Variants in ADSS1 observed in about 807,000 individuals in gnomAD.
The protein encoded by ADSS1 is adenylosuccinate synthase 1.
A neutral mutation model predicts 59.1 loss-of-function variants in ADSS1; 57 were observed. The observed-to-expected ratio is 0.97, with a 90% CI of 0.78 to 1.20. The LOEUF (loss-of-function observed/expected upper bound fraction) is 1.20, where lower values mean the gene tolerates loss of function less well. Among genes scored for constraint, ADSS1 ranks in the 50% most tolerant of loss-of-function variants. The pLI is 0.00. For missense variants in ADSS1, 603 were observed against 610.3 expected (o/e 0.99, Z 0.13); for synonymous variants, 247 against 249.4 (o/e 0.99, Z 0.09).
chr14:104,732,140 C>A (rs1488283306), intron 1 of ADSS1, among the ~76,000 whole-genome samples: 1 of 152,206 alleles, frequency 6.6e-6, no homozygotes, highest in Non-Finnish European at 1.5e-5. Context: ...CCTCATCGGC[C>A]AGCCTCATGG....
chr14:104,732,714 C>T (rs776404335), intron 1 of ADSS1, among the ~76,000 whole-genome samples: 5 of 152,154 alleles, frequency 3.3e-5, no homozygotes, highest in African/African-American at 4.8e-5. Flanking sequence ...TCGACGCCTG[C>T]CCCCCCGCCC....
chr14:104,735,142 CTGTG>C lies in ADSS1; in HGVS notation c.295+25_295+28del, dbSNP rs1204069847. ...TCATTGGTGAGTGCCCTGCCCCGAC[CTGTG>C]TGTGAGCAGGAAAGGGGGTGTCAGC... On this transcript the variant is annotated intron_variant, in intron 2 of 12. Transcript: ENST00000330877. The C allele has an allele frequency of 6.9e-6, 11 of 1,585,008 alleles. No homozygotes were observed. The highest frequency in any genetic ancestry group is 3.3e-4 in the Middle Eastern group (2 of 6,034).
rs115235924 is a variant in ADSS1, at chr14:104,725,660, G to A, written c.192+1198G>A. Among the ~76,000 whole-genome samples, 592 of 152,304 alleles carry A rather than the reference G, an allele frequency of 3.9e-3. 3 individuals are homozygous for A. The highest frequency in any genetic ancestry group is 0.014 in the African/African-American group (574 of 41,564). Reference sequence around the variant, plus strand: ...CTCCAGAGATCCCCCAGGTCCTAGAGGTGGTCCTCAGCCCATGCTCCCTCC... The same window carrying A: ...CTCCAGAGATCCCCCAGGTCCTAGAAGTGGTCCTCAGCCCATGCTCCCTCC... On this transcript the variant is annotated intron_variant, in intron 1 of 12. Coordinates refer to ENST00000330877, the MANE Select transcript of ADSS1 (RefSeq NM_152328.5).
chr14:104,741,081 C>G, intron 7 of ADSS1, 36 bp from the exon 8 acceptor site: 3 of 1,586,558 alleles, frequency 1.9e-6, no homozygotes, highest in Non-Finnish European at 2.6e-6. Context: ...TGCCCCAGGC[C>G]ACAGGCTCAC....
intron 1 of ADSS1, among the ~76,000 whole-genome samples, chr14:104,733,053 G>A (rs1890988404): frequency 6.6e-6 from 1 of 152,108 alleles, no homozygotes; most frequent in Non-Finnish European, 1.5e-5. Flanking sequence ...CTGCCCATCC[G>A]CCCAGGCTGC....
intron 9 of ADSS1, 85 bp from the exon 10 acceptor site, chr14:104,742,982 G>A: frequency 1.3e-6 from 2 of 1,584,742 alleles, no homozygotes; most frequent in South Asian, 1.1e-5. Flanking sequence ...TGAGAGCTGT[G>A]TGCAGGGAGG....
Position 104,743,151 on chromosome 14 carries a change from A to G in ADSS1, c.1033A>G (p.Met345Val), listed in dbSNP as rs749010913. The G allele has an allele frequency of 6.8e-6, 11 of 1,612,386 alleles. 1 individual carries two copies. In the South Asian group the frequency reaches 1.1e-4, roughly 16 times the overall value. Residue 345 changes from methionine (M) to valine (V), a missense_variant, in exon 10 of 13, where the codon ATG becomes GTG. Transcript: ENST00000330877. Reference sequence around the variant, plus strand: ...GAGGCGCTGCGGCTGGCTCGACCTGATGATTCTAAGATATGCTCACATGGT... The same window carrying G: ...GAGGCGCTGCGGCTGGCTCGACCTGGTGATTCTAAGATATGCTCACATGGT... ...RKRRCGWLDL[M>V]ILRYAHMVNG... is the part of the protein sequence containing the mutation.
At chr14:104,743,865 T>C (rs1189356969) in intron 10 of ADSS1, among the ~76,000 whole-genome samples, 1 of 152,242 alleles carries the variant, frequency 6.6e-6, no homozygotes, top group Non-Finnish European at 1.5e-5. Context: ...ACTTTCCTTG[T>C]GCGCGATGCA....
At position 104,746,936 on chromosome 14, in the gene ADSS1, T is replaced by C; in HGVS notation, c.1322-15T>C. 6.2e-7 allele frequency: 1 copy of C among 1,614,060 alleles called. No individual in the cohort carries two copies. Among genetic ancestry groups the C allele is most frequent in the African/African-American group, 1.3e-5 (1 of 75,040 alleles). On this transcript the variant is annotated splice_polypyrimidine_tract_variant and intron_variant, in intron 12 of 12. Coordinates refer to ENST00000330877, the MANE Select transcript of ADSS1 (RefSeq NM_152328.5). ...CCTCCAGTGTGTATCATAACAGTCT[T>C]TTCTGCTCTCTCAGTCAAATGGGTT...
At chr14:104,733,157 C>T (rs1368824023) in intron 1 of ADSS1, among the ~76,000 whole-genome samples, 1 of 152,162 alleles carries the variant, frequency 6.6e-6, no homozygotes, top group Non-Finnish European at 1.5e-5. Flanking sequence ...CACCCTCCCT[C>T]CTGCCACCAG....
chr14:104,724,703 C>G (rs932208987), intron 1 of ADSS1, among the ~76,000 whole-genome samples: 13 of 152,128 alleles, frequency 8.5e-5, no homozygotes, highest in African/African-American at 2.4e-4. Flanking sequence ...CGGCAGCGGG[C>G]CAGGGCACAG....
At chr14:104,741,815 C>T in intron 8 of ADSS1, 33 bp from the exon 9 acceptor site, 3 of 1,609,958 alleles carry the variant, frequency 1.9e-6, no homozygotes, top group Non-Finnish European at 2.5e-6. Flanking sequence ...CAGGGGGTGA[C>T]AGGTAGCCCC....
In ADSS1 at chr14:104,741,162, T is replaced by C. The variant is rs766130396; in HGVS notation, c.712T>C (p.Phe238Leu). The change falls in exon 8 of 13, where the codon TTT (phenylalanine) becomes CTT (leucine). Residue 238 changes from phenylalanine (F) to leucine (L), a missense_variant. Physicochemically the swap from Phe to Leu is conservative, Grantham distance 22. Transcript: ENST00000330877. ...IRPMVRDGVYFMYEALHGPPK... is the reference protein window; with the variant it reads ...IRPMVRDGVYLMYEALHGPPK... ...ACCCATGGTCCGAGATGGTGTTTAC[T>C]TTATGTATGAGGCACTCCACGGCCC... The C allele has an allele frequency of 1.2e-6, 2 of 1,612,382 alleles. No individual in the cohort carries two copies. Among genetic ancestry groups the C allele is most frequent in the Non-Finnish European group, 1.7e-6 (2 of 1,179,164 alleles).
intron 1 of ADSS1, among the ~76,000 whole-genome samples, chr14:104,725,357 G>A (rs1374624248): frequency 6.6e-6 from 1 of 152,354 alleles, no homozygotes; most frequent in South Asian, 2.1e-4. Context: ...TGGGATGCAC[G>A]CGTCTGGGGT....
In ADSS1 at chr14:104,735,121, T is replaced by G. The variant is rs1891070792; in HGVS notation, c.294T>G (p.Ile98Met). 1 of 1,607,454 alleles carries G rather than the reference T, an allele frequency of 6.2e-7. No homozygotes were observed. Among genetic ancestry groups the G allele is most frequent in the African/African-American group, 1.3e-5 (1 of 74,882 alleles). ...GIINTKAVSF[I>M]GNGVVIHLPG... ...TCAACACCAAGGCCGTGTCCTTCAT[T>G]GGTGAGTGCCCTGCCCCGACCTGTG... The change falls in exon 2 of 13, where the codon ATT becomes ATG. Residue 98 changes from isoleucine (I) to methionine (M), a missense_variant and splice_region_variant. Ile to Met is a conservative substitution (Grantham distance 10). Coordinates refer to ENST00000330877, the MANE Select transcript of ADSS1 (RefSeq NM_152328.5).
chr14:104,736,880 T>TGATATATA (rs1891143857), intron 2 of ADSS1, among the ~76,000 whole-genome samples: 1 of 54,892 alleles, frequency 1.8e-5, no homozygotes, highest in Admixed American at 1.7e-4. Flanking sequence ...CGCACCTAGC[T>TGATATATA]GATATATATA....
At chr14:104,742,989 G>A in intron 9 of ADSS1, 78 bp from the exon 10 acceptor site, 1 of 1,591,438 alleles carries the variant, frequency 6.3e-7, no homozygotes. Flanking sequence ...TGTGTGCAGG[G>A]AGGAGGGGGA....
intron 2 of ADSS1, among the ~76,000 whole-genome samples, chr14:104,736,522 C>T (rs904778830): frequency 1.3e-5 from 2 of 152,180 alleles, no homozygotes; most frequent in African/African-American, 2.4e-5. Flanking sequence ...CTTTTGTGCT[C>T]ACCATGGCTT....
At chr14:104,741,719 G>A (rs1039757646) in intron 8 of ADSS1, 129 bp from the exon 9 acceptor site, 13 of 1,160,634 alleles carry the variant, frequency 1.1e-5, no homozygotes, top group African/African-American at 1.1e-4. Context: ...GGCCAGGCTG[G>A]CGACCCCACG....
Sources: allele counts gnomAD v4.1 joint callset (sites outside exome capture counted in the v4.1 genomes callset), GRCh38; gene constraint gnomAD v4.1.1; transcripts MANE v1.5; gene names NCBI Gene and HGNC (gene_info 2026-07-23, HGNC 2026-07-21).